The following RAPGEF4 variants were observed in gnomAD, a reference collection of about 807,000 sequenced individuals.
The protein encoded by RAPGEF4 is RAP guanine-nucleotide-exchange factor (GEF) 4.
A neutral mutation model predicts 147.9 loss-of-function variants in RAPGEF4; 66 were observed. That is an observed-to-expected ratio of 0.45 (90% CI 0.37 to 0.55). RAPGEF4 has a LOEUF of 0.55. RAPGEF4 is among the 20% of genes least tolerant of loss of function. RAPGEF4 has a pLI of 0.00. For missense variants in RAPGEF4, 1,071 were observed against 1,257.3 expected, an observed-to-expected ratio of 0.85 and a Z score of 2.24; for synonymous variants, 419 against 442.7, an observed-to-expected ratio of 0.95 and a Z score of 0.67.
intron 1 of RAPGEF4, among the ~76,000 whole-genome samples, chr2:172,757,907 A>T (rs1044207961): frequency 7.9e-5 from 12 of 152,260 alleles, no homozygotes; most frequent in Non-Finnish European, 1.3e-4. Flanking sequence ...AACAAAACAA[A>T]AGACTCTTGC....
chr2:172,972,103 G>A (rs547405246), intron 10 of RAPGEF4, among the ~76,000 whole-genome samples: 9 of 151,954 alleles, frequency 5.9e-5, no homozygotes, highest in African/African-American at 2.2e-4. Context: ...GGGTGGGGAG[G>A]GTATTGTTTA....
chr2:172,761,734 A>G (rs1276164074), intron 1 of RAPGEF4, among the ~76,000 whole-genome samples: 1 of 152,236 alleles, frequency 6.6e-6, no homozygotes, highest in Non-Finnish European at 1.5e-5. Context: ...AAAGTTGCAT[A>G]ACTTGCAAAA....
intron 1 of RAPGEF4, among the ~76,000 whole-genome samples, chr2:172,749,074 C>T (rs570191097): frequency 3.3e-5 from 5 of 152,340 alleles, no homozygotes; most frequent in African/African-American, 9.6e-5. Flanking sequence ...GCCTCCTTCC[C>T]TGCTGCTTTT....
intron 4 of RAPGEF4, among the ~76,000 whole-genome samples, chr2:172,837,602 T>G (rs1303809191): frequency 6.6e-6 from 1 of 152,240 alleles, no homozygotes; most frequent in East Asian, 1.9e-4. Context: ...TTTTCTATTA[T>G]CTCACTCTGT....
At chr2:172,879,896 CAA>C (rs1413383427) in intron 4 of RAPGEF4, among the ~76,000 whole-genome samples, 1 of 152,128 alleles carries the variant, frequency 6.6e-6, no homozygotes, top group Admixed American at 6.5e-5. Context: ...AATTGCCTCC[CAA>C]AGAGACTGTT....
intron 1 of RAPGEF4, among the ~76,000 whole-genome samples, chr2:172,792,332 A>G (rs971170084): frequency 6.6e-6 from 1 of 152,238 alleles, no homozygotes; most frequent in Non-Finnish European, 1.5e-5. Flanking sequence ...CTTTGAGGAC[A>G]TAGTTTCTGG....
rs899894039 is a variant in RAPGEF4 at position 172,978,356 on chromosome 2, G to A, written c.1005-5140G>A. Among the ~76,000 whole-genome samples the A allele has an allele frequency of 2.0e-5, 3 of 152,318 alleles. No homozygotes were observed. In the East Asian group the frequency reaches 5.8e-4, roughly 29 times the overall value. On this transcript the variant is annotated intron_variant, in intron 10 of 30. Coordinates refer to ENST00000397081, the MANE Select transcript of RAPGEF4 (RefSeq NM_007023.4). ...TGCCAAAATAGCAAGGATTTCCTGG[G>A]AACAGAGCCCTTCCCTGCTCTTCCT...
intron 4 of RAPGEF4, among the ~76,000 whole-genome samples, chr2:172,844,599 T>C (rs1419818247): frequency 6.6e-6 from 1 of 152,094 alleles, no homozygotes; most frequent in African/African-American, 2.4e-5. Flanking sequence ...GGTCAGAAAA[T>C]TATCCAGCAA....
chr2:172,788,047 A>G (rs974285885), intron 1 of RAPGEF4, among the ~76,000 whole-genome samples: 3 of 152,170 alleles, frequency 2.0e-5, no homozygotes, highest in Admixed American at 1.3e-4. Flanking sequence ...TCTCTAACTC[A>G]TAGACAGCAC....
chr2:172,999,983 T>C (rs10203896), intron 16 of RAPGEF4, among the ~76,000 whole-genome samples: 129,556 of 152,162 alleles, frequency 0.85, 56,752 homozygotes, highest in East Asian at 1. Flanking sequence ...TTTAAACTAC[T>C]GGATATTACA....
chr2:172,812,207 A>G (rs1313720226), intron 3 of RAPGEF4, among the ~76,000 whole-genome samples: 3 of 152,168 alleles, frequency 2.0e-5, no homozygotes, highest in Non-Finnish European at 4.4e-5. Flanking sequence ...GAAAGAGAAG[A>G]TCTGGAAAGG....
At chr2:172,909,572 G>A (rs1464008836) in intron 4 of RAPGEF4, among the ~76,000 whole-genome samples, 1 of 152,094 alleles carries the variant, frequency 6.6e-6, no homozygotes, top group African/African-American at 2.4e-5. Flanking sequence ...GCTCAGCCAG[G>A]CCACCACACA....
intron 10 of RAPGEF4, among the ~76,000 whole-genome samples, chr2:172,980,713 A>G (rs1691589149): frequency 1.3e-5 from 2 of 152,164 alleles, no homozygotes; most frequent in South Asian, 4.1e-4. Context: ...CATGATGTCA[A>G]ATTTTTAGTA....
Position 173,021,448 on chromosome 2 carries a change from C to T in RAPGEF4, c.2253+733C>T, listed in dbSNP as rs180832776. On this transcript the variant is annotated intron_variant, in intron 23 of 30. Coordinates refer to ENST00000397081, the MANE Select transcript of RAPGEF4 (RefSeq NM_007023.4). The stretch of plus-strand genomic sequence containing the variant: ...CCTTTAAGAAAGGCACAAGACCGAG[C>T]GTGGTGGCGGGCGCCTGTAGTCCCA... Among the ~76,000 whole-genome samples the T allele has an allele frequency of 1.6e-3, 239 of 152,196 alleles. 1 individual carries two copies. Among genetic ancestry groups the T allele is most frequent in the Non-Finnish European group, 3.0e-3 (205 of 67,978 alleles).
Position 172,874,216 on chromosome 2 carries a change from A to G in RAPGEF4, c.445-43586A>G, listed in dbSNP as rs536085831. ...TTACTGGGTAGATACCCAAAGGATT[A>G]TAAATAATTCTATTATAAAGACACG... On this transcript the variant is annotated intron_variant, in intron 4 of 30. Transcript: ENST00000397081. Among the ~76,000 whole-genome samples, 25 of 152,358 alleles carry G rather than the reference A, an allele frequency of 1.6e-4. No individual in the cohort carries two copies. In the South Asian group the frequency reaches 3.5e-3, roughly 21 times the overall value.
At chr2:172,849,194 C>G (rs1692550146) in intron 4 of RAPGEF4, among the ~76,000 whole-genome samples, 1 of 151,772 alleles carries the variant, frequency 6.6e-6, no homozygotes, top group African/African-American at 2.4e-5. Flanking sequence ...AGAGCTTAAT[C>G]ATTGGTTTAC....
intron 4 of RAPGEF4, among the ~76,000 whole-genome samples, chr2:172,843,051 G>A (rs1277009031): frequency 6.6e-6 from 1 of 152,202 alleles, no homozygotes; most frequent in African/African-American, 2.4e-5. Context: ...AGTTTTTGAT[G>A]TAATCACAGT....
In RAPGEF4 at chr2:172,961,605, C is replaced by A. The variant is rs562507382; in HGVS notation, c.698+377C>A. On this transcript the variant is annotated intron_variant, in intron 8 of 30. Coordinates refer to ENST00000397081, the MANE Select transcript of RAPGEF4 (RefSeq NM_007023.4). ...CCAGGTCCCTTTTGATATATTAGCT[C>A]ATTTCATTCACATAACACTGCTAGA... Among the ~76,000 whole-genome samples, 30 of 152,294 alleles carry A rather than the reference C, an allele frequency of 2.0e-4. No homozygotes were observed. The South Asian group carries it at 3.7e-3, about 19-fold the overall frequency.
rs1384442779 is a variant in RAPGEF4, at chr2:172,983,612, G to A, written c.1089+32G>A. The A allele has an allele frequency of 3.1e-6, 5 of 1,608,594 alleles. No homozygotes were observed. In the African/African-American group the frequency reaches 4.0e-5, roughly 13 times the overall value. On this transcript the variant is annotated intron_variant, in intron 11 of 30. Coordinates refer to ENST00000397081, the MANE Select transcript of RAPGEF4 (RefSeq NM_007023.4). ...TGTCTCTTAGTTTAGCATGGTTGGA[G>A]CACTTTGCAATAAATGCACTGTTAG... is the stretch of plus-strand genomic sequence containing the variant.
Sources: gnomAD v4.1 joint callset for allele counts (sites outside exome capture counted in the v4.1 genomes callset) on GRCh38, gnomAD v4.1.1 for gene constraint, MANE v1.5 for transcripts, NCBI Gene and HGNC (gene_info 2026-07-23, HGNC 2026-07-21) for gene names.